The following KLHL7 variants were observed in gnomAD, a reference collection of about 807,000 sequenced individuals.
KLHL7 encodes the protein kelch-like protein 7.
In KLHL7, 44 loss-of-function variants were observed where a neutral mutation model predicts 67.4. The ratio of observed to expected loss-of-function variants is 0.65; its 90% CI spans 0.51 to 0.84. The LOEUF (loss-of-function observed/expected upper bound fraction) is 0.84. Among genes scored for constraint, KLHL7 ranks in the 40% least tolerant of loss-of-function variants. KLHL7 has a pLI of 0.00. For synonymous variants in KLHL7, 252 were observed against 243.3 expected (o/e 1.04, Z -0.33); for missense variants, 362 against 718.1 (o/e 0.50, Z 5.67).
intron 8 of KLHL7, among the ~76,000 whole-genome samples, chr7:23,166,649 C>G (rs970885689): frequency 1.3e-5 from 2 of 152,152 alleles, no homozygotes; most frequent in Admixed American, 6.5e-5. Flanking sequence ...TGTTTTTACC[C>G]TCAACTATAT....
At chr7:23,127,329 C>T (rs1783611345) in intron 4 of KLHL7, among the ~76,000 whole-genome samples, 1 of 152,164 alleles carries the variant, frequency 6.6e-6, no homozygotes, top group South Asian at 2.1e-4. Flanking sequence ...CTCTGGATAC[C>T]TTCTATCCTT....
intron 4 of KLHL7, among the ~76,000 whole-genome samples, chr7:23,133,478 C>G (rs1783871611): frequency 6.6e-6 from 1 of 151,990 alleles, no homozygotes; most frequent in South Asian, 2.1e-4. Flanking sequence ...GTCACCCAAG[C>G]TGGAATGCAG....
chr7:23,157,384 C>A (rs1017326449), intron 7 of KLHL7, among the ~76,000 whole-genome samples: 1 of 152,182 alleles, frequency 6.6e-6, no homozygotes, highest in Admixed American at 6.5e-5. Context: ...AGGTGTGGGT[C>A]ATCATGAGTA....
intron 4 of KLHL7, among the ~76,000 whole-genome samples, chr7:23,139,700 TAATG>T (rs1217611012): frequency 1.3e-5 from 2 of 152,138 alleles, no homozygotes; most frequent in Non-Finnish European, 2.9e-5. Flanking sequence ...GAAAAACAGA[TAATG>T]AATTGAAAAA....
chr7:23,174,412 G>A lies in KLHL7; in HGVS notation c.*114G>A. 2.0e-6 allele frequency: 2 copies of A among 1,000,756 alleles called. No individual in the cohort carries two copies. Among genetic ancestry groups the A allele is most frequent in the Non-Finnish European group, 3.1e-6 (2 of 641,124 alleles). The allele number at this position is 1,000,756 out of a possible 1,614,324, so 62.0% of individuals were successfully genotyped here. On this transcript the variant is annotated 3_prime_UTR_variant, in exon 11 of 11. Transcript: ENST00000339077. ...GGTGTTTTGGTAAAGAAAGTTTCAA[G>A]TGAAATGAGGTTCCTATAAAATAGA...
chr7:23,170,568 T>C (rs1785128198), intron 9 of KLHL7, among the ~76,000 whole-genome samples: 1 of 152,056 alleles, frequency 6.6e-6, no homozygotes, highest in South Asian at 2.1e-4. Flanking sequence ...TAGAGAAGAA[T>C]TGGAATGTTC....
chr7:23,106,207 G>A (rs904798069), intron 1 of KLHL7, 61 bp downstream of exon 1: 8 of 1,583,010 alleles, frequency 5.1e-6, no homozygotes, highest in Non-Finnish European at 6.9e-6. Context: ...CGGGCCCCTG[G>A]TTCCCGGGGT....
At chr7:23,147,185 G>T (rs1166643208) in intron 6 of KLHL7, among the ~76,000 whole-genome samples, 1 of 151,514 alleles carries the variant, frequency 6.6e-6, no homozygotes, top group Non-Finnish European at 1.5e-5. Context: ...CACCTCCTGG[G>T]TTCAAGTGAT....
chr7:23,127,475 C>T (rs1007439053), intron 4 of KLHL7, among the ~76,000 whole-genome samples: 56 of 152,254 alleles, frequency 3.7e-4, no homozygotes, highest in African/African-American at 1.3e-3. Context: ...GAAACTGCTT[C>T]TGCTTGCTTT....
chr7:23,171,503 C>T (rs1248698280), intron 9 of KLHL7, among the ~76,000 whole-genome samples: 1 of 152,092 alleles, frequency 6.6e-6, no homozygotes, highest in African/African-American at 2.4e-5. Flanking sequence ...AGCTGTATGC[C>T]GGTCACTTCA....
At chr7:23,122,463 T>A (rs1224787314) in intron 1 of KLHL7, among the ~76,000 whole-genome samples, 7 of 152,270 alleles carry the variant, frequency 4.6e-5, no homozygotes, top group African/African-American at 1.7e-4. Context: ...TTTTTTGGTA[T>A]AGTATGTAGC....
intron 6 of KLHL7, among the ~76,000 whole-genome samples, chr7:23,146,182 G>A (rs930220861): frequency 6.6e-6 from 1 of 152,208 alleles, no homozygotes; most frequent in African/African-American, 2.4e-5. Flanking sequence ...AGGAGAACTG[G>A]AAGTTCAATT....
At chr7:23,138,832 A>T (rs1413050810) in intron 4 of KLHL7, among the ~76,000 whole-genome samples, 1 of 152,048 alleles carries the variant, frequency 6.6e-6, no homozygotes, top group Admixed American at 6.6e-5. Context: ...CACCATGAAG[A>T]TGTATTTCTA....
intron 4 of KLHL7, among the ~76,000 whole-genome samples, chr7:23,126,480 G>T (rs1783578077): frequency 6.6e-6 from 1 of 152,080 alleles, no homozygotes; most frequent in African/African-American, 2.4e-5. Flanking sequence ...TAGAATGAAG[G>T]AAAGTATAAA....
chr7:23,125,827 T>C, intron 4 of KLHL7: 1 of 1,550,504 alleles, frequency 6.4e-7, no homozygotes, highest in South Asian at 1.2e-5. Flanking sequence ...TGATGATCCT[T>C]AGTGGCACAT....
intron 4 of KLHL7, among the ~76,000 whole-genome samples, chr7:23,136,254 T>C (rs948415295): frequency 6.6e-6 from 1 of 152,222 alleles, no homozygotes; most frequent in African/African-American, 2.4e-5. Context: ...TTCATTTGGA[T>C]ATTGCAAGAA....
chr7:23,106,055 G>T lies in KLHL7; in HGVS notation c.29G>T (p.Ser10Ile). 6.2e-7 allele frequency: 1 copy of T among 1,610,092 alleles called. No individual in the cohort carries two copies. The highest frequency in any genetic ancestry group is 8.5e-7 in the Non-Finnish European group (1 of 1,178,624). The change falls in exon 1 of 11, where the codon AGC (serine) becomes ATC (isoleucine). Residue 10 changes from serine to isoleucine, a missense_variant. By Grantham distance (142) the Ser-to-Ile change is moderately radical (BLOSUM62 -2). Transcript: ENST00000339077. Reference sequence around the variant, plus strand: ...GCAGCCTCTGGGGTGGAGAAGAGCAGCAAGAAGAAGACCGAGAAGAAACTT... The same window carrying T: ...GCAGCCTCTGGGGTGGAGAAGAGCATCAAGAAGAAGACCGAGAAGAAACTT... MAASGVEKS[S>I]KKKTEKKLAA...
chr7:23,172,870 GAAT>G, intron 9 of KLHL7, 75 bp from the exon 10 acceptor site: 3 of 1,047,302 alleles, frequency 2.9e-6, no homozygotes, highest in African/African-American at 1.6e-5. Flanking sequence ...CACTTAATTA[GAAT>G]AATAGACCTT....
chr7:23,115,547 G>T (rs1364624701), intron 1 of KLHL7, among the ~76,000 whole-genome samples: 2 of 151,174 alleles, frequency 1.3e-5, no homozygotes, highest in Admixed American at 6.6e-5. Flanking sequence ...GGTTTTTTTT[G>T]TTTGTTTTTT....
Sources: allele counts gnomAD v4.1 joint callset (sites outside exome capture counted in the v4.1 genomes callset), GRCh38; gene constraint gnomAD v4.1.1; transcripts MANE v1.5; gene names NCBI Gene and HGNC (gene_info 2026-07-23, HGNC 2026-07-21).